The following NOB1 variants were observed in gnomAD, a reference collection of about 807,000 sequenced individuals.
The protein encoded by NOB1 is RNA-binding protein NOB1.
NOB1 carries 44 observed loss-of-function variants against 44.8 expected under a neutral mutation model. That is an observed-to-expected ratio of 0.98 (90% CI 0.77 to 1.26). The LOEUF is 1.26. Among genes scored for constraint, NOB1 ranks in the 50% most tolerant of loss-of-function variants. The probability of loss-of-function intolerance (pLI) is 0.00; values close to 1 mark genes in which losing one functional copy is unlikely to be tolerated. For missense variants in NOB1, 560 were observed against 544.8 expected, an observed-to-expected ratio of 1.03 and a Z score of -0.28; for synonymous variants, 238 against 218.7, an observed-to-expected ratio of 1.09 and a Z score of -0.78.
intron 3 of NOB1, among the ~76,000 whole-genome samples, 181 bp downstream of exon 3, chr16:69,752,056 CTCTA>C (rs1427694697): frequency 1.3e-5 from 2 of 150,954 alleles, no homozygotes; most frequent in African/African-American, 4.9e-5. Flanking sequence ...CAGAGCAAGA[CTCTA>C]TCTCAAAAAA....
At chr16:69,744,597 A>G (rs1243919593) in intron 8 of NOB1, among the ~76,000 whole-genome samples, 1 of 151,774 alleles carries the variant, frequency 6.6e-6, no homozygotes, top group Admixed American at 6.6e-5. Flanking sequence ...GACCCTGCCC[A>G]TCCTTCAACT....
At chr16:69,749,981 A>G (rs1332331232) in intron 3 of NOB1, among the ~76,000 whole-genome samples, 1 of 143,720 alleles carries the variant, frequency 7.0e-6, no homozygotes, top group Non-Finnish European at 1.5e-5. Flanking sequence ...TCTGTCTCAA[A>G]AAAAAAAAAG....
In NOB1 at chr16:69,754,819, T is replaced by G. The variant is rs745747633; in HGVS notation, c.63+29A>C. The G allele has an allele frequency of 2.5e-6, 4 of 1,607,206 alleles. No individual in the cohort carries two copies. The African/African-American group carries it at 4.0e-5, about 16-fold the overall frequency. On this transcript the variant is annotated intron_variant, in intron 1 of 8. Transcript: ENST00000268802. ...CCGGGAGGGGCGGCCAGCCCAGATC[T>G]CTCTCGTCCCGGAGGGAGCTCCCCG...
rs767068331 is a variant in NOB1 at position 69,742,516 on chromosome 16, G to C, written c.1055C>G (p.Ser352Cys). 10 of 1,614,100 alleles carry C rather than the reference G, an allele frequency of 6.2e-6. No homozygotes were observed. Among genetic ancestry groups the C allele is most frequent in the Non-Finnish European group, 8.5e-6 (10 of 1,180,052 alleles). The change falls in exon 9 of 9, where the codon TCC becomes TGC. Residue 352 changes from serine to cysteine, a missense_variant. Physicochemically the swap from Ser to Cys is moderately radical, Grantham distance 112 (BLOSUM62 -1). Transcript: ENST00000268802. Reference sequence around the variant, plus strand: ...GTTGGTTTTCTGCCTGGCCTTTTGGGAGAGTCGCAGCTGAGGGAAGCGCTG... The same window carrying C: ...GTTGGTTTTCTGCCTGGCCTTTTGGCAGAGTCGCAGCTGAGGGAAGCGCTG... Reference protein sequence around the residue: ...EDQRFPQLRLSQKARQKTNVF... With the variant: ...EDQRFPQLRLCQKARQKTNVF...
intron 3 of NOB1, among the ~76,000 whole-genome samples, 164 bp from the exon 4 acceptor site, chr16:69,749,794 G>A (rs1301376978): frequency 3.3e-5 from 5 of 151,334 alleles, no homozygotes; most frequent in African/African-American, 7.3e-5. Flanking sequence ...CCTGGCCAAC[G>A]TGGCGAAACC....
Position 69,742,258 on chromosome 16 carries a change from C to G in NOB1, c.*74G>C. On this transcript the variant is annotated 3_prime_UTR_variant, in exon 9 of 9. Transcript: ENST00000268802. ...CCATCGGGTGGTCCTGGAGACGACA[C>G]GGCTGGGGAAATGGGTCACCGGAAC... 6.4e-7 allele frequency: 1 copy of G among 1,554,526 alleles called. No individual in the cohort carries two copies. The highest frequency in any genetic ancestry group is 8.7e-7 in the Non-Finnish European group (1 of 1,144,730).
intron 7 of NOB1, among the ~76,000 whole-genome samples, chr16:69,747,222 CAAAAA>C (rs35257586): frequency 1.9e-4 from 15 of 78,604 alleles, no homozygotes; most frequent in African/African-American, 2.6e-4. Context: ...ACCCTGTCTC[CAAAAA>C]AAAAAAAAAA....
At position 69,742,569 on chromosome 16, in the gene NOB1, G is replaced by A. The variant is rs199873991; in HGVS notation, c.1002C>T (p.Tyr334=). 8.7e-6 allele frequency: 14 copies of A among 1,614,094 alleles called. No homozygotes were observed. The highest frequency in any genetic ancestry group is 1.6e-4 in the Middle Eastern group (1 of 6,062). The change falls in exon 9 of 9, where the codon TAC becomes TAT. Residue 334 remains tyrosine, a synonymous_variant. Coordinates refer to ENST00000268802, the MANE Select transcript of NOB1 (RefSeq NM_014062.3). ...YSLPTPKGGK[Y]AINPHLTEDQ... Reference sequence around the variant, plus strand: ...CCTCGGTGAGATGGGGGTTGATGGCGTATTTGCCCCCTTTGGGAGTGGGAA... The same window carrying A: ...CCTCGGTGAGATGGGGGTTGATGGCATATTTGCCCCCTTTGGGAGTGGGAA...
chr16:69,752,891 C>T (rs528948248), intron 2 of NOB1, among the ~76,000 whole-genome samples: 34 of 151,484 alleles, frequency 2.2e-4, no homozygotes, highest in African/African-American at 7.5e-4. Flanking sequence ...GTCAAGATTG[C>T]GCCACTGCAC....
In NOB1 at chr16:69,748,961, T is replaced by G. The variant is rs2038457610; in HGVS notation, c.683A>C (p.Glu228Ala). The G allele has an allele frequency of 6.2e-7, 1 of 1,613,516 alleles. No homozygotes were observed. Reference protein sequence around the residue: ...QQELEQCDVPEDVRVGCLTTD... With the variant: ...QQELEQCDVPADVRVGCLTTD... ...GGTCAGGCAGCCAACCCGCACGTCC[T>G]CGGGGACGTCACACTGCTCCAGCTC... Residue 228 changes from glutamate to alanine, a missense_variant, in exon 6 of 9, where the codon GAG becomes GCG. By Grantham distance (107) the Glu-to-Ala change is moderately radical. Coordinates refer to ENST00000268802, the MANE Select transcript of NOB1 (RefSeq NM_014062.3).
In NOB1 at chr16:69,742,235, A is replaced by T; in HGVS notation, c.*97T>A. On this transcript the variant is annotated 3_prime_UTR_variant, in exon 9 of 9. Transcript: ENST00000268802. ...ACCGTGAAGCCCGCCTGTTATTTCCATCGGGTGGTCCTGGAGACGACACGG... is the reference window on the plus strand; with the variant it reads ...ACCGTGAAGCCCGCCTGTTATTTCCTTCGGGTGGTCCTGGAGACGACACGG... 2 of 1,470,364 alleles carry T rather than the reference A, an allele frequency of 1.4e-6. No individual in the cohort carries two copies. Among genetic ancestry groups the T allele is most frequent in the Non-Finnish European group, 1.9e-6 (2 of 1,080,294 alleles). The allele number at this position is 1,470,364 out of a possible 1,614,324, so 91.1% of individuals were successfully genotyped here.
intron 7 of NOB1, 25 bp downstream of exon 7, chr16:69,748,207 C>T: frequency 1.3e-6 from 2 of 1,570,466 alleles, no homozygotes; most frequent in Non-Finnish European, 1.8e-6. Context: ...CAGAGGGCAC[C>T]AGGGCCAGGG....
chr16:69,748,923 T>G lies in NOB1; in HGVS notation c.721A>C (p.Met241Leu), dbSNP rs1424638075. 5.6e-6 allele frequency: 9 copies of G among 1,603,960 alleles called. No individual in the cohort carries two copies. Among genetic ancestry groups the G allele is most frequent in the Non-Finnish European group, 6.8e-6 (8 of 1,174,302 alleles). The change falls in exon 6 of 9, where the codon ATG becomes CTG. Residue 241 changes from methionine (M) to leucine (L), a missense_variant. By Grantham distance (15) the Met-to-Leu change is conservative. Transcript: ENST00000268802. ...CCCAGGCCCACCCTACCCACCTGCA[T>G]GGCGAAGTCTGTGGTCAGGCAGCCA... ...RVGCLTTDFAMQNVLLQMGLH... is the reference protein window; with the variant it reads ...RVGCLTTDFALQNVLLQMGLH...
At chr16:69,749,512 A>G (rs1444995156) in intron 4 of NOB1, 47 bp downstream of exon 4, 10 of 1,566,970 alleles carry the variant, frequency 6.4e-6, no homozygotes, top group Middle Eastern at 1.7e-4. Context: ...GAGATGTGAC[A>G]TGTTTCAGAA....
Position 69,749,115 on chromosome 16 carries a change from C to A in NOB1, c.529G>T (p.Asp177Tyr), listed in dbSNP as rs1378573901. 6.2e-7 allele frequency: 1 copy of A among 1,614,214 alleles called. No homozygotes were observed. ...TCACTTGGAACGTCCTCACCTCTGT[C>A]AATCTGAAACATCAACAGACCTTTC... The part of the protein sequence containing the change: ...IDHELQELLI[D>Y]RGEDVPSEEE... Residue 177 changes from aspartate to tyrosine, a missense_variant, in exon 6 of 9, where the codon GAC becomes TAC. Transcript: ENST00000268802.
At chr16:69,747,222 C>CAAAAA (rs35257586) in intron 7 of NOB1, among the ~76,000 whole-genome samples, 20 of 78,572 alleles carry the variant, frequency 2.5e-4, no homozygotes, top group Admixed American at 8.3e-4. Context: ...ACCCTGTCTC[C>CAAAAA]AAAAAAAAAA....
rs1004956094 is a variant in NOB1, at chr16:69,742,150, C to T, written c.*182G>A. 13 of 683,488 alleles carry T rather than the reference C, an allele frequency of 1.9e-5. No individual in the cohort carries two copies. Among genetic ancestry groups the T allele is most frequent in the Non-Finnish European group, 2.8e-5 (12 of 424,260 alleles). The allele number at this position is 683,488 out of a possible 1,614,324, so 42.3% of individuals were successfully genotyped here. A position where few individuals can be genotyped will look rare whatever the true frequency, so the allele number is the denominator to read the frequency against. ...AGGCAGCCAGGCGCTCCGGTGCTCA[C>T]AGGCCATGGGACAGTCCAGTTCCCT... is the stretch of plus-strand genomic sequence containing the variant. On this transcript the variant is annotated 3_prime_UTR_variant, in exon 9 of 9. Coordinates refer to ENST00000268802, the MANE Select transcript of NOB1 (RefSeq NM_014062.3).
At chr16:69,745,460 G>A (rs930708432) in intron 7 of NOB1, among the ~76,000 whole-genome samples, 2 of 152,180 alleles carry the variant, frequency 1.3e-5, no homozygotes, top group African/African-American at 2.4e-5. Flanking sequence ...TTCACATCAC[G>A]GCACTTTCTC....
Position 69,744,870 on chromosome 16 carries a change from C to A in NOB1, c.969+3G>T. 1 of 1,612,284 alleles carries A rather than the reference C, an allele frequency of 6.2e-7. No homozygotes were observed. The highest frequency in any genetic ancestry group is 8.5e-7 in the Non-Finnish European group (1 of 1,179,752). On this transcript the variant is annotated splice_donor_region_variant and intron_variant, in intron 8 of 8. Transcript: ENST00000268802. ...GGAGGGGACTGGGAGAGGCGCCACT[C>A]ACCCGGAGGCCGCGGGGGTTCAGCA...
Sources: gnomAD v4.1 joint callset for allele counts (sites outside exome capture counted in the v4.1 genomes callset) on GRCh38, gnomAD v4.1.1 for gene constraint, MANE v1.5 for transcripts, NCBI Gene and HGNC (gene_info 2026-07-23, HGNC 2026-07-21) for gene names.